Variants in AHCYL1 observed in about 807,000 individuals in gnomAD.
The protein encoded by AHCYL1 is adenosylhomocysteinase like 1, also known as S-adenosylhomocysteine hydrolase-like protein 1.
In AHCYL1, 20 loss-of-function variants were observed where a neutral mutation model predicts 79.3. The ratio of observed to expected loss-of-function variants is 0.25; its 90% CI spans 0.18 to 0.37. AHCYL1 has a LOEUF of 0.37. Ranked by LOEUF, AHCYL1 falls within the 10% of genes least tolerant of loss-of-function variation. AHCYL1 has a pLI of 1.00. For synonymous variants in AHCYL1, 223 were observed against 242.2 expected (o/e 0.92, Z 0.74); for missense variants, 330 against 673.6 (o/e 0.49, Z 5.65).
At chr1:110,004,137 G>C in intron 1 of AHCYL1, 1 of 985,496 alleles carries the variant, frequency 1.0e-6, no homozygotes, top group Non-Finnish European at 1.2e-6. Flanking sequence ...TATTGCTTCT[G>C]ACTGTGGAAT....
At chr1:110,021,383 A>T (rs755239755) in intron 16 of AHCYL1, among the ~76,000 whole-genome samples, 1 of 152,190 alleles carries the variant, frequency 6.6e-6, no homozygotes, top group Non-Finnish European at 1.5e-5. Flanking sequence ...TTGGTCTGCG[A>T]TGGGACCAAA....
chr1:110,010,521 T>C (rs148895783), intron 2 of AHCYL1, among the ~76,000 whole-genome samples: 1 of 152,372 alleles, frequency 6.6e-6, no homozygotes, highest in African/African-American at 2.4e-5. Flanking sequence ...TGACAGACTT[T>C]CCCAGGGCTA....
Position 110,021,713 on chromosome 1 carries a change from A to G in AHCYL1, c.*33A>G. ...TACTACCAAGGACCAGTCCACCTGA[A>G]CCACACACTCTAAAGAAATATTTTT... On this transcript the variant is annotated 3_prime_UTR_variant, in exon 17 of 17. Coordinates refer to ENST00000369799, the MANE Select transcript of AHCYL1 (RefSeq NM_006621.7). 1 of 1,601,076 alleles carries G rather than the reference A, an allele frequency of 6.2e-7. No homozygotes were observed. The highest frequency in any genetic ancestry group is 8.5e-7 in the Non-Finnish European group (1 of 1,169,706).
rs770559016 is a variant in AHCYL1, at chr1:110,018,662, G to A, written c.1317+12G>A. On this transcript the variant is annotated intron_variant, in intron 13 of 16. Coordinates refer to ENST00000369799, the MANE Select transcript of AHCYL1 (RefSeq NM_006621.7). Reference sequence around the variant, plus strand: ...TCCTCCTGGCAGAGGTACACACAGAGAAGGACCCTGGCAGAGCAGCACAAG... The same window carrying A: ...TCCTCCTGGCAGAGGTACACACAGAAAAGGACCCTGGCAGAGCAGCACAAG... The A allele has an allele frequency of 5.6e-6, 9 of 1,610,026 alleles. No homozygotes were observed. The East Asian group carries it at 1.8e-4, about 32-fold the overall frequency.
At chr1:109,999,370 A>G (rs1376528227) in intron 1 of AHCYL1, among the ~76,000 whole-genome samples, 1 of 152,182 alleles carries the variant, frequency 6.6e-6, no homozygotes, top group Non-Finnish European at 1.5e-5. Context: ...TGTGCTATTC[A>G]CTAACTCTCC....
intron 1 of AHCYL1, among the ~76,000 whole-genome samples, chr1:109,990,989 G>A (rs1341753196): frequency 1.3e-5 from 2 of 152,102 alleles, no homozygotes; most frequent in Non-Finnish European, 2.9e-5. Flanking sequence ...TTCTAATTAT[G>A]TATAACTGAT....
chr1:109,994,536 G>A (rs552220370), intron 1 of AHCYL1, among the ~76,000 whole-genome samples: 32 of 152,260 alleles, frequency 2.1e-4, no homozygotes, highest in African/African-American at 7.2e-4. Context: ...TGATCCACCC[G>A]CCATGGCCTC....
At chr1:110,006,124 A>G (rs1156889923) in intron 1 of AHCYL1, among the ~76,000 whole-genome samples, 1 of 152,230 alleles carries the variant, frequency 6.6e-6, no homozygotes, top group African/African-American at 2.4e-5. Flanking sequence ...GAATGGGTCA[A>G]TCTGACCTTC....
At position 110,011,751 on chromosome 1, in the gene AHCYL1, A is replaced by G. The variant is rs376124298; in HGVS notation, c.376+394A>G. ...AGCTGATGAGGAAGGGTTTTAAGGT[A>G]AGGATGTGGTGACCTAGAGTCTTGT... is the stretch of plus-strand genomic sequence containing the variant. On this transcript the variant is annotated intron_variant, in intron 3 of 16. Coordinates refer to ENST00000369799, the MANE Select transcript of AHCYL1 (RefSeq NM_006621.7). Among the ~76,000 whole-genome samples the G allele has an allele frequency of 5.3e-5, 8 of 152,320 alleles. No homozygotes were observed. In the East Asian group the frequency reaches 9.7e-4, roughly 18 times the overall value.
At chr1:110,020,924 A>G in intron 16 of AHCYL1, 73 bp downstream of exon 16, 2 of 1,538,176 alleles carry the variant, frequency 1.3e-6, no homozygotes, top group Non-Finnish European at 1.7e-6. Flanking sequence ...TGCTTCTGAC[A>G]TAAAGATCAA....
At chr1:110,009,836 G>A (rs1393647593) in intron 2 of AHCYL1, among the ~76,000 whole-genome samples, 1 of 152,174 alleles carries the variant, frequency 6.6e-6, no homozygotes, top group East Asian at 1.9e-4. Flanking sequence ...GATGAATACA[G>A]GAGAAAACAT....
chr1:110,012,514 C>A, intron 4 of AHCYL1, 52 bp downstream of exon 4: 5 of 1,412,106 alleles, frequency 3.5e-6, no homozygotes, highest in Non-Finnish European at 4.8e-6. Context: ...AGAAAGAAAT[C>A]AATTTTTTTT....
At chr1:109,992,694 C>T (rs1369223805) in intron 1 of AHCYL1, among the ~76,000 whole-genome samples, 2 of 152,290 alleles carry the variant, frequency 1.3e-5, no homozygotes, top group East Asian at 1.9e-4. Flanking sequence ...TGAGGGAATG[C>T]TCTTGAGAAT....
At chr1:110,004,207 G>C in intron 1 of AHCYL1, 1 of 985,542 alleles carries the variant, frequency 1.0e-6, no homozygotes, top group Non-Finnish European at 1.2e-6. Flanking sequence ...GGCGGGAGTC[G>C]GCGGGGGAAG....
intron 1 of AHCYL1, among the ~76,000 whole-genome samples, chr1:109,987,178 A>G (rs1272786261): frequency 6.6e-6 from 1 of 152,200 alleles, no homozygotes; most frequent in Non-Finnish European, 1.5e-5. Context: ...CCTAGTGATG[A>G]TAAAAGACAT....
intron 10 of AHCYL1, 24 bp from the exon 11 acceptor site, chr1:110,017,922 T>C: frequency 6.2e-7 from 1 of 1,612,680 alleles, no homozygotes; most frequent in Non-Finnish European, 8.5e-7. Flanking sequence ...GCTTTACTCA[T>C]AGTGTTCCTT....
intron 10 of AHCYL1, 65 bp downstream of exon 10, chr1:110,017,648 A>G: frequency 6.6e-7 from 1 of 1,506,380 alleles, no homozygotes; most frequent in Non-Finnish European, 9.2e-7. Context: ...AGAGTTCATA[A>G]TTGAGTATAT....
At chr1:110,003,281 TG>T (rs1650419998) in intron 1 of AHCYL1, among the ~76,000 whole-genome samples, 1 of 152,208 alleles carries the variant, frequency 6.6e-6, no homozygotes, top group Admixed American at 6.5e-5. Flanking sequence ...TTATTGGTAA[TG>T]TTCATGTTTG....
chr1:109,996,728 G>T (rs1346632400), intron 1 of AHCYL1, among the ~76,000 whole-genome samples: 1 of 152,194 alleles, frequency 6.6e-6, no homozygotes, highest in East Asian at 1.9e-4. Flanking sequence ...GTAATGCACT[G>T]CACTACGATG....
Sources: gnomAD v4.1 joint callset for allele counts (sites outside exome capture counted in the v4.1 genomes callset) on GRCh38, gnomAD v4.1.1 for gene constraint, MANE v1.5 for transcripts, NCBI Gene and HGNC (gene_info 2026-07-23, HGNC 2026-07-21) for gene names.